Variants in KCNK12 observed in about 807,000 individuals in gnomAD.
KCNK12 encodes potassium two pore domain channel subfamily K member 12.
A neutral mutation model predicts 25.3 loss-of-function variants in KCNK12; 6 were observed. That is an observed-to-expected ratio of 0.24 (90% CI 0.13 to 0.47). KCNK12 has a LOEUF of 0.47. KCNK12 is among the 20% of genes least tolerant of loss of function. KCNK12 has a pLI of 0.99. For synonymous variants in KCNK12, 331 were observed against 311.1 expected, an observed-to-expected ratio of 1.06 and a Z score of -0.67; for missense variants, 444 against 661.7, an observed-to-expected ratio of 0.67 and a Z score of 3.61.
rs978517283 is a variant in KCNK12 at position 47,511,125 on chromosome 2, A to G, written c.*9782T>C. ...TGTTGAGTGAATGAATACAATACCA[A>G]ACGAATGGACAGGACAGAGCTGTGG... is the stretch of plus-strand genomic sequence containing the variant. On this transcript the variant is annotated 3_prime_UTR_variant, in exon 2 of 2. Transcript: ENST00000327876. The surrounding 1 kb of genome is among the most constrained non-coding windows in gnomAD (Gnocchi z 4.3). 6.6e-6 allele frequency among the ~76,000 whole-genome samples: 1 copy of G among 152,236 alleles called. No homozygotes were observed. Among genetic ancestry groups the G allele is most frequent in the African/African-American group, 2.4e-5 (1 of 41,454 alleles).
chr2:47,547,355 A>G lies in KCNK12; in HGVS notation c.391+22586T>C, dbSNP rs1301835379. Among the ~76,000 whole-genome samples, 5 of 152,220 alleles carry G rather than the reference A, an allele frequency of 3.3e-5. No individual in the cohort carries two copies. Among genetic ancestry groups the G allele is most frequent in the Non-Finnish European group, 7.4e-5 (5 of 68,026 alleles). ...TCCAGAGAGAATGATACAGTTGGTTAGGGCACAACCTGGGCATCAAGGCTT... is the reference window on the plus strand; with the variant it reads ...TCCAGAGAGAATGATACAGTTGGTTGGGGCACAACCTGGGCATCAAGGCTT... On this transcript the variant is annotated intron_variant, in intron 1 of 1. Coordinates refer to ENST00000327876, the MANE Select transcript of KCNK12 (RefSeq NM_022055.2). This position sits in a 1 kb window ranked among gnomAD's most constrained non-coding sequence, Gnocchi z 5.0.
chr2:47,539,129 A>G (rs1453703067), intron 1 of KCNK12, among the ~76,000 whole-genome samples: 1 of 152,222 alleles, frequency 6.6e-6, no homozygotes, highest in African/African-American at 2.4e-5. Flanking sequence ...AGTAAAGACA[A>G]TATCATCATT....
At chr2:47,530,370 C>T (rs1325778743) in intron 1 of KCNK12, among the ~76,000 whole-genome samples, 5 of 152,136 alleles carry the variant, frequency 3.3e-5, no homozygotes, top group Non-Finnish European at 7.4e-5. Context: ...GTGCCCCAGC[C>T]CTGGTACCTC....
chr2:47,550,672 C>T (rs1669410915), intron 1 of KCNK12, among the ~76,000 whole-genome samples: 1 of 152,040 alleles, frequency 6.6e-6, no homozygotes, highest in Non-Finnish European at 1.5e-5. Context: ...TGTGAGCCAC[C>T]ACACCTGGCC....
chr2:47,528,753 C>A lies in KCNK12; in HGVS notation c.392-6945G>T, dbSNP rs1363275907. ...TTTGACAAAAGCTGTGAAGCTCGTT[C>A]CCACAGCCTGTCTGGTGCCGCCTTC... On this transcript the variant is annotated intron_variant, in intron 1 of 1. Coordinates refer to ENST00000327876, the MANE Select transcript of KCNK12 (RefSeq NM_022055.2). The surrounding 1 kb of genome is among the most constrained non-coding windows in gnomAD (Gnocchi z 4.5). Among the ~76,000 whole-genome samples the A allele has an allele frequency of 2.0e-5, 3 of 152,250 alleles. No homozygotes were observed. The South Asian group carries it at 6.2e-4, about 32-fold the overall frequency.
At chr2:47,563,660 C>A in intron 1 of KCNK12, 1 of 233,026 alleles carries the variant, frequency 4.3e-6, no homozygotes, top group East Asian at 6.0e-5. Flanking sequence ...CCCACTGGTC[C>A]GGACTCCAGC....
At position 47,562,069 on chromosome 2, in the gene KCNK12, C is replaced by T. The variant is rs1002966041; in HGVS notation, c.391+7872G>A. On this transcript the variant is annotated intron_variant, in intron 1 of 1. Coordinates refer to ENST00000327876, the MANE Select transcript of KCNK12 (RefSeq NM_022055.2). The surrounding 1 kb of genome is among the most constrained non-coding windows in gnomAD (Gnocchi z 4.8). ...TCTAGACTCCTAGTGCCTGACTCAC[C>T]GCTGTTCTCTCTACCCTAGCGACTC... 3.5e-5 allele frequency: 14 copies of T among 398,472 alleles called. No homozygotes were observed. Among genetic ancestry groups the T allele is most frequent in the African/African-American group, 2.1e-4 (10 of 48,610 alleles). The allele number at this position is 398,472 out of a possible 1,614,324, so 24.7% of individuals were successfully genotyped here. A position where few individuals can be genotyped will look rare whatever the true frequency, so the allele number is the denominator to read the frequency against.
chr2:47,525,990 G>C lies in KCNK12; in HGVS notation c.392-4182C>G, dbSNP rs976739959. ...CCCCTGAGCCATGTGTCAGCCCAGAGCTAGAGGGGGAGGCTAAATAAGCTC... is the reference window on the plus strand; with the variant it reads ...CCCCTGAGCCATGTGTCAGCCCAGACCTAGAGGGGGAGGCTAAATAAGCTC... On this transcript the variant is annotated intron_variant, in intron 1 of 1. Transcript: ENST00000327876. This position sits in a 1 kb window ranked among gnomAD's most constrained non-coding sequence, Gnocchi z 4.1. Among the ~76,000 whole-genome samples, 2 of 152,190 alleles carry C rather than the reference G, an allele frequency of 1.3e-5. No homozygotes were observed. The highest frequency in any genetic ancestry group is 2.4e-5 in the African/African-American group (1 of 41,438).
In KCNK12 at chr2:47,515,134, G is replaced by T. The variant is rs1460147178; in HGVS notation, c.*5773C>A. On this transcript the variant is annotated 3_prime_UTR_variant, in exon 2 of 2. Transcript: ENST00000327876. The stretch of plus-strand genomic sequence containing the variant: ...CCATCACATAGCTGGGGCACAGCTG[G>T]AGACCCCAACAGAGAGGAGAGCTGA... Among the ~76,000 whole-genome samples the T allele has an allele frequency of 1.3e-5, 2 of 152,158 alleles. No individual in the cohort carries two copies. Among genetic ancestry groups the T allele is most frequent in the Non-Finnish European group, 2.9e-5 (2 of 68,028 alleles).
In KCNK12 at chr2:47,570,045, T is replaced by C. The variant is rs1669857638; in HGVS notation, c.287A>G (p.His96Arg). 2.1e-6 allele frequency: 3 copies of C among 1,418,176 alleles called. No homozygotes were observed. Among genetic ancestry groups the C allele is most frequent in the Non-Finnish European group, 1.8e-6 (2 of 1,086,326 alleles). 87.8% of individuals were successfully genotyped at this position (1,418,176 alleles called of 1,614,324 possible). Residue 96 changes from histidine to arginine, a missense_variant, in exon 1 of 2, where the codon CAC becomes CGC. Physicochemically the swap from His to Arg is conservative, Grantham distance 29 (BLOSUM62 0). Around this residue, in one of 8 missense-constraint regions of KCNK12, gnomAD observed 106 missense variants for 142.2 expected, o/e 0.75. Coordinates refer to ENST00000327876, the MANE Select transcript of KCNK12 (RefSeq NM_022055.2). ...AEPELRAFLR[H>R]YEAALAAGVR... ...GCCGGCGGCCAGCGCGGCCTCGTAG[T>C]GCCGGAGGAAGGCGCGCAGCTCTGG... is the stretch of plus-strand genomic sequence containing the variant.
Position 47,562,786 on chromosome 2 carries a change from C to T in KCNK12, c.391+7155G>A, listed in dbSNP as rs1669707443. 1 of 233,082 alleles carries T rather than the reference C, an allele frequency of 4.3e-6. No homozygotes were observed. The highest frequency in any genetic ancestry group is 2.2e-5 in the African/African-American group (1 of 45,314). The allele number at this position is 233,082 out of a possible 1,614,324, so 14.4% of individuals were successfully genotyped here. Reference sequence around the variant, plus strand: ...AGCCCCTCCACCCCCTGTTCCTCACCAACTCTCCCCGTGTAGAAACTCTGC... The same window carrying T: ...AGCCCCTCCACCCCCTGTTCCTCACTAACTCTCCCCGTGTAGAAACTCTGC... On this transcript the variant is annotated intron_variant, in intron 1 of 1. Coordinates refer to ENST00000327876, the MANE Select transcript of KCNK12 (RefSeq NM_022055.2). This position sits in a 1 kb window ranked among gnomAD's most constrained non-coding sequence, Gnocchi z 4.8.
Position 47,551,645 on chromosome 2 carries a change from C to T in KCNK12, c.391+18296G>A, listed in dbSNP as rs1425150184. Among the ~76,000 whole-genome samples, 4 of 152,164 alleles carry T rather than the reference C, an allele frequency of 2.6e-5. No individual in the cohort carries two copies. The highest frequency in any genetic ancestry group is 2.9e-5 in the Non-Finnish European group (2 of 68,032). Reference sequence around the variant, plus strand: ...CTGCTAACTGTTCTGGAAAGTATGACGTGTGAAATCAGTATTACCCCCTAC... The same window carrying T: ...CTGCTAACTGTTCTGGAAAGTATGATGTGTGAAATCAGTATTACCCCCTAC... On this transcript the variant is annotated intron_variant, in intron 1 of 1. Transcript: ENST00000327876. The surrounding 1 kb of genome is among the most constrained non-coding windows in gnomAD (Gnocchi z 5.3).
intron 1 of KCNK12, among the ~76,000 whole-genome samples, chr2:47,539,957 T>A (rs536683636): frequency 6.6e-6 from 1 of 152,106 alleles, no homozygotes; most frequent in Non-Finnish European, 1.5e-5. Flanking sequence ...AGGGTTTAGG[T>A]TGATCCAGCC....
chr2:47,563,553 G>A (rs1203134890), intron 1 of KCNK12: 1 of 232,968 alleles, frequency 4.3e-6, no homozygotes, highest in Non-Finnish European at 8.5e-6. Flanking sequence ...TGTAAAATGA[G>A]GAACAAGGGT....
In KCNK12 at chr2:47,515,773, T is replaced by G. The variant is rs1668510346; in HGVS notation, c.*5134A>C. 6.6e-6 allele frequency among the ~76,000 whole-genome samples: 1 copy of G among 152,146 alleles called. No individual in the cohort carries two copies. On this transcript the variant is annotated 3_prime_UTR_variant, in exon 2 of 2. Coordinates refer to ENST00000327876, the MANE Select transcript of KCNK12 (RefSeq NM_022055.2). ...GGGGAGAGAAGGCCTCAGTAGAGTT[T>G]GCACTATTATTAGGGCAAGTAAGCT... is the stretch of plus-strand genomic sequence containing the variant.
rs186534090 is a variant in KCNK12 at position 47,512,567 on chromosome 2, C to G, written c.*8340G>C. ...AGAAAGGGGTCAGGAATATAACTTT[C>G]TCTGCCCAGATTCCAGGACTTACAG... On this transcript the variant is annotated 3_prime_UTR_variant, in exon 2 of 2. Coordinates refer to ENST00000327876, the MANE Select transcript of KCNK12 (RefSeq NM_022055.2). The G allele has an allele frequency of 3.9e-6, 4 of 1,019,612 alleles. No individual in the cohort carries two copies. In the Admixed American group the frequency reaches 8.7e-5, roughly 22 times the overall value. The allele number at this position is 1,019,612 out of a possible 1,614,324, so 63.2% of individuals were successfully genotyped here.
At chr2:47,531,038 T>C (rs1668913320) in intron 1 of KCNK12, among the ~76,000 whole-genome samples, 1 of 152,202 alleles carries the variant, frequency 6.6e-6, no homozygotes, top group Admixed American at 6.5e-5. Flanking sequence ...GGCTGCACAA[T>C]AGAATCACCT....
intron 1 of KCNK12, among the ~76,000 whole-genome samples, chr2:47,526,945 GC>G (rs1320509593): frequency 3.9e-5 from 6 of 152,150 alleles, no homozygotes; most frequent in African/African-American, 1.2e-4. Context: ...TGCTGGCCCT[GC>G]CTGCATCATC....
rs1430332624 is a variant in KCNK12, at chr2:47,566,154, C to T, written c.391+3787G>A. On this transcript the variant is annotated intron_variant, in intron 1 of 1. Transcript: ENST00000327876. The surrounding 1 kb of genome is among the most constrained non-coding windows in gnomAD (Gnocchi z 4.1). ...AGCCTGAACGGCTGCTGAATAATCA[C>T]AGGCAAAATTTTCCACTGGTACCGC... The T allele has an allele frequency of 6.6e-6, 1 of 152,224 alleles. No individual in the cohort carries two copies. Among genetic ancestry groups the T allele is most frequent in the African/African-American group, 2.4e-5 (1 of 41,456 alleles). The allele number at this position is 152,224 out of a possible 1,614,324, so 9.4% of individuals were successfully genotyped here. A position where few individuals can be genotyped will look rare whatever the true frequency, so the allele number is the denominator to read the frequency against.
Sources: gnomAD v4.1 joint callset for allele counts (sites outside exome capture counted in the v4.1 genomes callset) on GRCh38, gnomAD v4.1.1 for gene constraint, gnomAD v4.1.1 regional missense constraint, Gnocchi (gnomAD v3.1) non-coding constraint, MANE v1.5 for transcripts, NCBI Gene and HGNC (gene_info 2026-07-23, HGNC 2026-07-21) for gene names.